Variants in BRWD1 observed in about 807,000 individuals in gnomAD.
BRWD1 encodes the protein bromodomain and WD repeat-containing protein 1.
A neutral mutation model predicts 251.2 loss-of-function variants in BRWD1; 82 were observed. The ratio of observed to expected loss-of-function variants is 0.33; its 90% CI spans 0.27 to 0.39. BRWD1 has a LOEUF of 0.39. BRWD1 is among the 10% of genes least tolerant of loss of function. The probability of loss-of-function intolerance (pLI) is 1.00; values close to 1 mark genes in which losing one functional copy is unlikely to be tolerated. For synonymous variants in BRWD1, 918 were observed against 902.8 expected (o/e 1.02, Z -0.30); for missense variants, 2,233 against 2,711.6 (o/e 0.82, Z 3.92).
At chr21:39,311,908 C>G (rs1334564839) in intron 4 of BRWD1, among the ~76,000 whole-genome samples, 2 of 152,168 alleles carry the variant, frequency 1.3e-5, no homozygotes, top group Non-Finnish European at 2.9e-5. Flanking sequence ...CATACTCTAC[C>G]ACTCAAGTGT....
At chr21:39,203,034 A>G (rs1329874013) in intron 37 of BRWD1, among the ~76,000 whole-genome samples, 1 of 152,252 alleles carries the variant, frequency 6.6e-6, no homozygotes, top group Non-Finnish European at 1.5e-5. Context: ...AGACCAGACT[A>G]TTTACATCTA....
chr21:39,199,679 CAAT>C lies in BRWD1; in HGVS notation c.4754-20_4754-18del. ...AAACGGGACCTAGAAATAAGGTTAA[CAAT>C]AAGATTAAAAAGATTTTCCTTATTT... On this transcript the variant is annotated intron_variant, in intron 39 of 40. Transcript: ENST00000342449. 1 of 1,548,636 alleles carries C rather than the reference CAAT, an allele frequency of 6.5e-7. No homozygotes were observed. Among genetic ancestry groups the C allele is most frequent in the Non-Finnish European group, 8.7e-7 (1 of 1,149,174 alleles).
intron 7 of BRWD1, among the ~76,000 whole-genome samples, chr21:39,295,494 T>C (rs1302270013): frequency 6.7e-6 from 1 of 149,458 alleles, no homozygotes; most frequent in South Asian, 2.1e-4. Context: ...GCCAGGTATG[T>C]CTATTTTTAA....
In BRWD1 at chr21:39,194,300, T is replaced by C; in HGVS notation, c.*1959A>G. 2 of 993,430 alleles carry C rather than the reference T, an allele frequency of 2.0e-6. No homozygotes were observed. The highest frequency in any genetic ancestry group is 2.4e-6 in the Non-Finnish European group (2 of 834,014). The allele number at this position is 993,430 out of a possible 1,614,324, so 61.5% of individuals were successfully genotyped here. A position where few individuals can be genotyped will look rare whatever the true frequency, so the allele number is the denominator to read the frequency against. On this transcript the variant is annotated 3_prime_UTR_variant, in exon 41 of 41. Coordinates refer to ENST00000342449, the MANE Select transcript of BRWD1 (RefSeq NM_033656.4). ...ACCTTTTTGCAAATGATGGTAAACA[T>C]GGAGTTAAAACCTGAGAACAGATTA...
At chr21:39,275,645 T>C (rs2035256556) in intron 12 of BRWD1, among the ~76,000 whole-genome samples, 1 of 152,224 alleles carries the variant, frequency 6.6e-6, no homozygotes, top group Non-Finnish European at 1.5e-5. Flanking sequence ...GAGATGTTTA[T>C]TGGCTTGATT....
At position 39,200,365 on chromosome 21, in the gene BRWD1, A is replaced by G. The variant is rs1355676587; in HGVS notation, c.4607T>C (p.Leu1536Ser). 9 of 1,612,232 alleles carry G rather than the reference A, an allele frequency of 5.6e-6. No individual in the cohort carries two copies. The highest frequency in any genetic ancestry group is 3.4e-5 in the Admixed American group (2 of 59,404). Residue 1536 changes from leucine (L) to serine (S), a missense_variant, in exon 39 of 41, where the codon TTA becomes TCA. Physicochemically the swap from Leu to Ser is moderately radical, Grantham distance 145 (BLOSUM62 -2). Coordinates refer to ENST00000342449, the MANE Select transcript of BRWD1 (RefSeq NM_033656.4). ...TLSESEVEDS[L>S]ATSLSSSASS... ...AGCTGACGATGACAAAGAGGTAGCT[A>G]AAGAATCTTCCACTTCACTTTCTAG...
chr21:39,307,659 G>A (rs1373521722), intron 4 of BRWD1, among the ~76,000 whole-genome samples: 4 of 152,166 alleles, frequency 2.6e-5, no homozygotes, highest in Middle Eastern at 3.2e-3. Flanking sequence ...TATAGGCTAT[G>A]ACTTGGAACT....
chr21:39,285,511 A>T (rs1601461935), intron 8 of BRWD1, among the ~76,000 whole-genome samples: 1 of 152,356 alleles, frequency 6.6e-6, no homozygotes, highest in Middle Eastern at 3.4e-3. Context: ...ATAAATGCTT[A>T]GTGATGGATA....
chr21:39,231,162 A>G (rs1172031693), intron 25 of BRWD1, among the ~76,000 whole-genome samples: 3 of 152,226 alleles, frequency 2.0e-5, no homozygotes, highest in Non-Finnish European at 1.5e-5. Flanking sequence ...TAAGTTTTTA[A>G]AAGTATCAAA....
chr21:39,299,335 T>G (rs1200051279), intron 4 of BRWD1, among the ~76,000 whole-genome samples: 2 of 152,008 alleles, frequency 1.3e-5, no homozygotes, highest in Non-Finnish European at 2.9e-5. Flanking sequence ...AAAGATCCTA[T>G]AAGACATCAT....
intron 31 of BRWD1, among the ~76,000 whole-genome samples, chr21:39,217,812 A>G (rs75918692): frequency 1.3e-5 from 2 of 152,356 alleles, no homozygotes; most frequent in Non-Finnish European, 2.9e-5. Flanking sequence ...TATTAATTTT[A>G]AAACAAATTA....
chr21:39,283,696 C>T (rs941325900), intron 8 of BRWD1, among the ~76,000 whole-genome samples: 1 of 152,048 alleles, frequency 6.6e-6, no homozygotes, highest in Non-Finnish European at 1.5e-5. Context: ...TTTTTAGTGT[C>T]CAACAGGTAT....
At chr21:39,205,306 T>G (rs1601261496) in intron 37 of BRWD1, among the ~76,000 whole-genome samples, 1 of 152,000 alleles carries the variant, frequency 6.6e-6, no homozygotes, top group East Asian at 1.9e-4. Flanking sequence ...ACCCCATCTA[T>G]ACAAAAAATA....
At chr21:39,226,880 T>C (rs537276139) in intron 27 of BRWD1, among the ~76,000 whole-genome samples, 181 of 152,276 alleles carry the variant, frequency 1.2e-3, no homozygotes, top group African/African-American at 3.8e-3. Context: ...TCCTACACTT[T>C]AGGCAGGCTG....
In BRWD1 at chr21:39,189,964, T is replaced by C; in HGVS notation, c.*6295A>G. Reference sequence around the variant, plus strand: ...TTGTTTCAGTCATGGGTTTACAAAGTCATTGAGTGCTTGAGGACTTGTTTT... The same window carrying C: ...TTGTTTCAGTCATGGGTTTACAAAGCCATTGAGTGCTTGAGGACTTGTTTT... On this transcript the variant is annotated 3_prime_UTR_variant, in exon 41 of 41. Transcript: ENST00000342449. 1 of 985,372 alleles carries C rather than the reference T, an allele frequency of 1.0e-6. No homozygotes were observed. Among genetic ancestry groups the C allele is most frequent in the Non-Finnish European group, 1.2e-6 (1 of 829,902 alleles). 61.0% of individuals were successfully genotyped at this position (985,372 alleles called of 1,614,324 possible). A position where few individuals can be genotyped will look rare whatever the true frequency, so the allele number is the denominator to read the frequency against.
At position 39,187,870 on chromosome 21, in the gene BRWD1, T is replaced by C. The variant is rs1342946373; in HGVS notation, c.*8389A>G. On this transcript the variant is annotated 3_prime_UTR_variant, in exon 41 of 41. Coordinates refer to ENST00000342449, the MANE Select transcript of BRWD1 (RefSeq NM_033656.4). Reference sequence around the variant, plus strand: ...TGCAGAGTGCTATGAGAACACAGACTGGAAACCTAACCTAGCCTAAGGGAT... The same window carrying C: ...TGCAGAGTGCTATGAGAACACAGACCGGAAACCTAACCTAGCCTAAGGGAT... 1 of 982,600 alleles carries C rather than the reference T, an allele frequency of 1.0e-6. No homozygotes were observed. Among genetic ancestry groups the C allele is most frequent in the East Asian group, 1.1e-4 (1 of 8,812 alleles). 60.9% of individuals were successfully genotyped at this position (982,600 alleles called of 1,614,324 possible).
chr21:39,229,704 G>A (rs886518963), intron 25 of BRWD1, among the ~76,000 whole-genome samples: 67 of 152,040 alleles, frequency 4.4e-4, no homozygotes, highest in African/African-American at 1.4e-3. Context: ...AATATCTAAC[G>A]ACAATCACTG....
At position 39,189,259 on chromosome 21, in the gene BRWD1, G is replaced by T. The variant is rs2031417634; in HGVS notation, c.*7000C>A. The T allele has an allele frequency of 1.0e-6, 1 of 984,404 alleles. No individual in the cohort carries two copies. Among genetic ancestry groups the T allele is most frequent in the African/African-American group, 1.7e-5 (1 of 57,310 alleles). 61.0% of individuals were successfully genotyped at this position (984,404 alleles called of 1,614,324 possible). A position where few individuals can be genotyped will look rare whatever the true frequency, so the allele number is the denominator to read the frequency against. On this transcript the variant is annotated 3_prime_UTR_variant, in exon 41 of 41. Transcript: ENST00000342449. ...CATTTGCATTTGGAAGAAAAGAACA[G>T]ATAACTGGTTCATTCCCAACAACCT...
chr21:39,300,492 G>C (rs2036080094), intron 4 of BRWD1, among the ~76,000 whole-genome samples: 1 of 152,170 alleles, frequency 6.6e-6, no homozygotes, highest in South Asian at 2.1e-4. Context: ...TGCTGGAAGG[G>C]AAAGTATTGA....
Sources: allele counts gnomAD v4.1 joint callset (sites outside exome capture counted in the v4.1 genomes callset), GRCh38; gene constraint gnomAD v4.1.1; transcripts MANE v1.5; gene names NCBI Gene and HGNC (gene_info 2026-07-23, HGNC 2026-07-21).